Variants in VPS13B observed in about 807,000 individuals in gnomAD.
VPS13B encodes intermembrane lipid transfer protein VPS13B.
VPS13B carries 285 observed loss-of-function variants against 426.4 expected under a neutral mutation model. The observed-to-expected ratio is 0.67, with a 90% CI of 0.61 to 0.74. VPS13B has a LOEUF of 0.74. Ranked by LOEUF, VPS13B falls within the 30% of genes least tolerant of loss-of-function variation. VPS13B has a pLI of 0.00. For synonymous variants in VPS13B, 1,676 were observed against 1,676.4 expected (o/e 1.00, Z 0.01); for missense variants, 4,537 against 4,782.6 (o/e 0.95, Z 1.51).
intron 4 of VPS13B, among the ~76,000 whole-genome samples, 174 bp downstream of exon 4, chr8:99,096,606 AT>A (rs1479953398): frequency 1.3e-5 from 2 of 151,936 alleles, no homozygotes; most frequent in Non-Finnish European, 2.9e-5. Context: ...AAATACAAAA[AT>A]TAGCCGGGTG....
intron 3 of VPS13B, among the ~76,000 whole-genome samples, chr8:99,051,667 C>G (rs558880472): frequency 2.1e-4 from 32 of 152,222 alleles, no homozygotes; most frequent in Admixed American, 5.9e-4. Context: ...CATGAGCATG[C>G]AATGTTCTTC....
At chr8:99,865,070 AGCAGGGAAAAGTGTCT>A (rs1011897066) in intron 58 of VPS13B, among the ~76,000 whole-genome samples, 31 of 152,358 alleles carry the variant, frequency 2.0e-4, no homozygotes, top group African/African-American at 7.2e-4. Context: ...GCCCCAGGTC[AGCAGGGAAAAGTGTCT>A]GCTGGCTGAG....
intron 39 of VPS13B, among the ~76,000 whole-genome samples, chr8:99,745,254 A>G (rs1404942094): frequency 1.3e-5 from 2 of 152,034 alleles, no homozygotes; most frequent in African/African-American, 2.4e-5. Context: ...TTCTTGTTCT[A>G]TATGTGTCCT....
intron 40 of VPS13B, among the ~76,000 whole-genome samples, chr8:99,775,852 T>C (rs192450208): frequency 5.3e-4 from 81 of 152,208 alleles, no homozygotes; most frequent in African/African-American, 1.8e-3. Context: ...GAGCCAAGGT[T>C]GTGCCACGCT....
intron 43 of VPS13B, among the ~76,000 whole-genome samples, chr8:99,795,247 T>C (rs1812747100): frequency 6.6e-6 from 1 of 152,214 alleles, no homozygotes. Context: ...TCCATGTTAC[T>C]GCAGGTGATA....
chr8:99,329,024 AG>A (rs1810424914), intron 19 of VPS13B, among the ~76,000 whole-genome samples: 1 of 152,040 alleles, frequency 6.6e-6, no homozygotes, highest in Admixed American at 6.6e-5. Flanking sequence ...TTATTTTTTC[AG>A]TTGAGTGCTT....
intron 51 of VPS13B, among the ~76,000 whole-genome samples, chr8:99,829,958 C>G (rs1199542868): frequency 2.0e-5 from 3 of 152,236 alleles, no homozygotes; most frequent in Non-Finnish European, 4.4e-5. Context: ...GCTGCCTGCT[C>G]CTTCCTCTGG....
At chr8:99,228,718 C>T (rs1310615017) in intron 17 of VPS13B, among the ~76,000 whole-genome samples, 1 of 151,918 alleles carries the variant, frequency 6.6e-6, no homozygotes, top group Non-Finnish European at 1.5e-5. Context: ...CATTATGAGG[C>T]ACTGGGGTTT....
intron 23 of VPS13B, among the ~76,000 whole-genome samples, chr8:99,449,870 C>T (rs903503173): frequency 1.4e-4 from 21 of 151,788 alleles, no homozygotes; most frequent in Admixed American, 8.5e-4. Context: ...TGAAGTGGCA[C>T]GCTCACTAAC....
chr8:99,289,195 A>G (rs965045059), intron 19 of VPS13B, among the ~76,000 whole-genome samples: 3 of 152,166 alleles, frequency 2.0e-5, no homozygotes, highest in Admixed American at 6.6e-5. Flanking sequence ...AATGGAAACT[A>G]ATGGAAGTTA....
At chr8:99,360,084 G>A (rs1440870796) in intron 19 of VPS13B, among the ~76,000 whole-genome samples, 1 of 146,938 alleles carries the variant, frequency 6.8e-6, no homozygotes, top group African/African-American at 2.5e-5. Flanking sequence ...TTACAGGCAT[G>A]AGTCACTGTG....
intron 33 of VPS13B, among the ~76,000 whole-genome samples, chr8:99,584,004 T>G (rs1273115018): frequency 6.6e-6 from 1 of 152,078 alleles, no homozygotes; most frequent in Non-Finnish European, 1.5e-5. Flanking sequence ...CTATGCTGAG[T>G]ATTTTGTTTC....
chr8:99,289,070 G>A lies in VPS13B; in HGVS notation c.2824+13816G>A, dbSNP rs62534565. The stretch of plus-strand genomic sequence containing the variant: ...ATGAATGAATGAATGAATGAAAGAA[G>A]GAAGGAAGGAAGGAAAGAAAGAAAG... On this transcript the variant is annotated intron_variant, in intron 19 of 61. Transcript: ENST00000357162. Among the ~76,000 whole-genome samples, 200 of 51,048 alleles carry A rather than the reference G, an allele frequency of 3.9e-3. 2 individuals carry two copies. Among genetic ancestry groups the A allele is most frequent in the African/African-American group, 6.8e-3 (98 of 14,396 alleles). 33.5% of individuals were successfully genotyped at this position (51,048 alleles called of 152,430 possible). A position where few individuals can be genotyped will look rare whatever the true frequency, so the allele number is the denominator to read the frequency against.
At chr8:99,470,154 T>G (rs771363790) in intron 24 of VPS13B, among the ~76,000 whole-genome samples, 5 of 152,166 alleles carry the variant, frequency 3.3e-5, no homozygotes, top group Non-Finnish European at 5.9e-5. Flanking sequence ...GAGGAACAGA[T>G]TCAGCTTCTT....
intron 19 of VPS13B, among the ~76,000 whole-genome samples, chr8:99,336,156 C>T (rs1810852678): frequency 6.6e-6 from 1 of 152,014 alleles, no homozygotes; most frequent in African/African-American, 2.4e-5. Context: ...GTACTGGTAC[C>T]AAAACAGAGA....
In VPS13B at chr8:99,041,918, C is replaced by T. The variant is rs1842983049; in HGVS notation, c.291+3352C>T. Among the ~76,000 whole-genome samples, 3 of 151,346 alleles carry T rather than the reference C, an allele frequency of 2.0e-5. No homozygotes were observed. The South Asian group carries it at 6.3e-4, about 32-fold the overall frequency. ...TAAATCTGTTTCTAAACCACCTATT[C>T]TGGTTTTTGTACCACCTGGAACATA... On this transcript the variant is annotated intron_variant, in intron 3 of 61. Transcript: ENST00000357162.
At chr8:99,045,404 T>C (rs1270559570) in intron 3 of VPS13B, among the ~76,000 whole-genome samples, 1 of 152,084 alleles carries the variant, frequency 6.6e-6, no homozygotes, top group Admixed American at 6.6e-5. Context: ...GGGATTGTTT[T>C]TTTTTTCTTG....
intron 2 of VPS13B, among the ~76,000 whole-genome samples, chr8:99,020,099 G>A (rs1435017193): frequency 6.6e-6 from 1 of 151,358 alleles, no homozygotes; most frequent in Non-Finnish European, 1.5e-5. Flanking sequence ...TACCAGCAAT[G>A]TGCAAAGGTT....
chr8:99,855,092 G>GGT (rs1324698463), intron 56 of VPS13B, among the ~76,000 whole-genome samples: 6 of 152,122 alleles, frequency 3.9e-5, no homozygotes, highest in African/African-American at 1.4e-4. Context: ...GCAACTGGTG[G>GGT]ATAGCAGGCG....
Sources: allele counts gnomAD v4.1 joint callset (sites outside exome capture counted in the v4.1 genomes callset), GRCh38; gene constraint gnomAD v4.1.1; transcripts MANE v1.5; gene names NCBI Gene and HGNC (gene_info 2026-07-23, HGNC 2026-07-21).